The following XPC variants were observed in gnomAD, a reference collection of about 807,000 sequenced individuals.
XPC encodes the protein DNA repair protein complementing XP-C cells.
In XPC, 76 loss-of-function variants were observed where a neutral mutation model predicts 95.8. The ratio of observed to expected loss-of-function variants is 0.79; its 90% CI spans 0.66 to 0.96. XPC has a LOEUF of 0.96. Ranked by LOEUF, XPC falls within the 40% of genes least tolerant of loss-of-function variation. The pLI is 0.00. For missense variants in XPC, 1,146 were observed against 1,179.8 expected, an observed-to-expected ratio of 0.97 and a Z score of 0.42; for synonymous variants, 442 against 442.1, an observed-to-expected ratio of 1.00 and a Z score of 0.00.
chr3:14,163,404 A>G (rs1344113819), intron 7 of XPC, among the ~76,000 whole-genome samples: 1 of 152,260 alleles, frequency 6.6e-6, no homozygotes, highest in African/African-American at 2.4e-5. Flanking sequence ...CATGTAATGG[A>G]ATATTATTCA....
At position 14,148,687 on chromosome 3, in the gene XPC, G is replaced by A; in HGVS notation, c.2295C>T (p.Ser765=). ...EFGNVYLFLP[S]MMPIGCVQLN... ...GCTGGACACAGCCAATAGGCATCAT[G>A]CTGGGCAGGAAGAGGTACACATTCC... The change falls in exon 13 of 16, where the codon AGC becomes AGT. Residue 765 remains serine (S), a synonymous_variant. Transcript: ENST00000285021. 1.2e-6 allele frequency: 2 copies of A among 1,614,066 alleles called. No individual in the cohort carries two copies. Among genetic ancestry groups the A allele is most frequent in the Non-Finnish European group, 1.7e-6 (2 of 1,179,900 alleles).
chr3:14,173,125 T>C (rs1001821469), intron 1 of XPC, 63 bp from the exon 2 acceptor site: 8 of 1,437,618 alleles, frequency 5.6e-6, no homozygotes, highest in African/African-American at 2.9e-5. Context: ...GTGCAGCTTA[T>C]GGGCAGGGGC....
intron 7 of XPC, 198 bp from the exon 8 acceptor site, chr3:14,160,028 A>G: frequency 1.9e-6 from 1 of 536,852 alleles, no homozygotes; most frequent in South Asian, 2.8e-5. Flanking sequence ...GAACAGGAAC[A>G]TGCTCATCAT....
At position 14,158,289 on chromosome 3, in the gene XPC, G is replaced by A; in HGVS notation, c.1594C>T (p.Leu532=). ...KRSIAGIDQW[L]EVFCEQEEKW... is the part of the protein sequence containing the mutation. ...TCCTCCTGCTCACAGAACACCTCTA[G>A]CCACTGGTCTATACCAGCTATGCTT... Residue 532 remains leucine (L), a synonymous_variant, in exon 9 of 16, where the codon CTA becomes TTA. Coordinates refer to ENST00000285021, the MANE Select transcript of XPC (RefSeq NM_004628.5). This position sits in a 1 kb window ranked among gnomAD's most constrained non-coding sequence, Gnocchi z 5.2. The A allele has an allele frequency of 6.2e-7, 1 of 1,613,984 alleles. No homozygotes were observed. Among genetic ancestry groups the A allele is most frequent in the Non-Finnish European group, 8.5e-7 (1 of 1,179,888 alleles).
At chr3:14,176,018 G>A (rs1559386271) in intron 1 of XPC, among the ~76,000 whole-genome samples, 1 of 152,072 alleles carries the variant, frequency 6.6e-6, no homozygotes, top group Non-Finnish European at 1.5e-5. Flanking sequence ...ACCTAACATG[G>A]GTAAAGCTAA....
At chr3:14,174,657 T>G (rs1696741265) in intron 1 of XPC, among the ~76,000 whole-genome samples, 1 of 152,202 alleles carries the variant, frequency 6.6e-6, no homozygotes. Context: ...TTAAGTAACT[T>G]ATGGCAGAGC....
In XPC at chr3:14,174,424, T is replaced by A. The variant is rs1312183753; in HGVS notation, c.104-1362A>T. 2.6e-5 allele frequency among the ~76,000 whole-genome samples: 4 copies of A among 152,284 alleles called. No individual in the cohort carries two copies. In the East Asian group the frequency reaches 7.7e-4, roughly 29 times the overall value. On this transcript the variant is annotated intron_variant, in intron 1 of 15. Coordinates refer to ENST00000285021, the MANE Select transcript of XPC (RefSeq NM_004628.5). ...AGGCAAAGATGCTAAACACTTCAAT[T>A]TCTACTAATCTAAAAAAATGCACGT...
At chr3:14,174,527 G>C (rs1696735811) in intron 1 of XPC, among the ~76,000 whole-genome samples, 1 of 152,164 alleles carries the variant, frequency 6.6e-6, no homozygotes, top group Non-Finnish European at 1.5e-5. Context: ...TGAAGAGAAA[G>C]GTAGAGGAGT....
chr3:14,147,840 AG>A, intron 14 of XPC, 67 bp downstream of exon 14: 3 of 1,424,612 alleles, frequency 2.1e-6, no homozygotes, highest in South Asian at 1.2e-5. Flanking sequence ...GGCCTGGGGA[AG>A]GAAGAGGCCA....
Position 14,165,563 on chromosome 3 carries a change from G to C in XPC, c.644C>G (p.Ala215Gly). Residue 215 changes from alanine to glycine, a missense_variant, in exon 6 of 16, where the codon GCA becomes GGA. Physicochemically the swap from Ala to Gly is moderately conservative, Grantham distance 60 (BLOSUM62 0). Coordinates refer to ENST00000285021, the MANE Select transcript of XPC (RefSeq NM_004628.5). The part of the protein sequence containing the change: ...THKVHLLCLL[A>G]NGFYRNNICS... ...GATGTTATTTCGATAGAAGCCATTT[G>C]CTAGCAGGCAGAGAAGGTGAACCTG... 6.2e-7 allele frequency: 1 copy of C among 1,613,380 alleles called. No individual in the cohort carries two copies. Among genetic ancestry groups the C allele is most frequent in the Non-Finnish European group, 8.5e-7 (1 of 1,179,708 alleles).
At chr3:14,168,868 T>A (rs1352567051) in intron 3 of XPC, among the ~76,000 whole-genome samples, 2 of 152,200 alleles carry the variant, frequency 1.3e-5, no homozygotes, top group African/African-American at 4.8e-5. Flanking sequence ...AAAAAATATA[T>A]CCTTTTCATC....
At chr3:14,152,525 C>T (rs1695737022) in intron 10 of XPC, 109 bp from the exon 11 acceptor site, 2 of 1,098,164 alleles carry the variant, frequency 1.8e-6, no homozygotes, top group Non-Finnish European at 2.6e-6. Context: ...GGTTCAGCCA[C>T]CCTGGAGCAG....
chr3:14,176,462 T>C (rs1278704813), intron 1 of XPC, among the ~76,000 whole-genome samples: 2 of 152,228 alleles, frequency 1.3e-5, no homozygotes, highest in East Asian at 3.8e-4. Context: ...GCCTTGAATG[T>C]TTTACATGTA....
intron 9 of XPC, among the ~76,000 whole-genome samples, chr3:14,157,427 T>G (rs1428485476): frequency 6.6e-6 from 1 of 152,152 alleles, no homozygotes; most frequent in Non-Finnish European, 1.5e-5. Context: ...CACAGGCGGC[T>G]CGGGCACTAT....
At position 14,158,666 on chromosome 3, in the gene XPC, C is replaced by A; in HGVS notation, c.1217G>T (p.Gly406Val). ...PSSSEEDEGP[G>V]DKQEKATQRR... ...CTGGGTTGCCTTCTCCTGCTTGTCT[C>A]CTGGGCCCTCATCTTCCTCGCTGGA... The change falls in exon 9 of 16, where the codon GGA becomes GTA. Residue 406 changes from glycine (G) to valine (V), a missense_variant. Gly to Val is a moderately radical substitution (Grantham distance 109). Transcript: ENST00000285021. This position sits in a 1 kb window ranked among gnomAD's most constrained non-coding sequence, Gnocchi z 5.2. 6.2e-7 allele frequency: 1 copy of A among 1,613,922 alleles called. No homozygotes were observed. Among genetic ancestry groups the A allele is most frequent in the Non-Finnish European group, 8.5e-7 (1 of 1,179,894 alleles).
intron 2 of XPC, among the ~76,000 whole-genome samples, chr3:14,171,589 A>G (rs1696614894): frequency 6.6e-6 from 1 of 152,240 alleles, no homozygotes; most frequent in African/African-American, 2.4e-5. Context: ...TCACGCCTGT[A>G]AGCCCAGCAC....
intron 7 of XPC, among the ~76,000 whole-genome samples, chr3:14,163,814 G>C (rs1455151345): frequency 6.6e-6 from 1 of 152,198 alleles, no homozygotes; most frequent in Non-Finnish European, 1.5e-5. Context: ...ACAAAGTCTG[G>C]GAGGACAATA....
At chr3:14,156,524 C>T in intron 9 of XPC, 29 bp from the exon 10 acceptor site, 1 of 1,613,442 alleles carries the variant, frequency 6.2e-7, no homozygotes, top group Non-Finnish European at 8.5e-7. Context: ...CAAGGTTGAG[C>T]ATGTTATTTA....
intron 2 of XPC, among the ~76,000 whole-genome samples, chr3:14,171,000 G>C (rs1696589658): frequency 6.6e-6 from 1 of 152,166 alleles, no homozygotes; most frequent in African/African-American, 2.4e-5. Context: ...GATGTAAGGA[G>C]ACTGAAATTC....
Sources: allele counts gnomAD v4.1 joint callset (sites outside exome capture counted in the v4.1 genomes callset), GRCh38; gene constraint gnomAD v4.1.1; non-coding constraint Gnocchi (gnomAD v3.1); transcripts MANE v1.5; gene names NCBI Gene and HGNC (gene_info 2026-07-23, HGNC 2026-07-21).